Variants in CNTNAP5 observed in about 807,000 individuals in gnomAD.
The protein encoded by CNTNAP5 is contactin-associated protein-like 5.
CNTNAP5 carries 72 observed loss-of-function variants against 150.2 expected under a neutral mutation model. The observed-to-expected ratio is 0.48, with a 90% CI of 0.40 to 0.58. The LOEUF is 0.58. Among genes scored for constraint, CNTNAP5 ranks in the 20% least tolerant of loss-of-function variants. The pLI, the probability that CNTNAP5 is intolerant of heterozygous loss-of-function variation, is 0.00. For missense variants in CNTNAP5, 1,636 were observed against 1,626.2 expected, an observed-to-expected ratio of 1.01 and a Z score of -0.10; for synonymous variants, 672 against 619.8, an observed-to-expected ratio of 1.08 and a Z score of -1.25.
intron 1 of CNTNAP5, among the ~76,000 whole-genome samples, chr2:124,216,031 T>C (rs954780285): frequency 3.3e-5 from 5 of 152,156 alleles, no homozygotes; most frequent in African/African-American, 1.2e-4. Flanking sequence ...CAAACCCTTA[T>C]ATATAAAGTG....
At chr2:124,910,383 G>T (rs1678631069) in intron 22 of CNTNAP5, among the ~76,000 whole-genome samples, 1 of 152,036 alleles carries the variant, frequency 6.6e-6, no homozygotes, top group Non-Finnish European at 1.5e-5. Context: ...ATCAGCCACT[G>T]TTGTAAAAAC....
intron 3 of CNTNAP5, among the ~76,000 whole-genome samples, chr2:124,260,763 C>T (rs1052128923): frequency 2.0e-5 from 3 of 152,164 alleles, no homozygotes; most frequent in Non-Finnish European, 4.4e-5. Flanking sequence ...AACATTCATT[C>T]ATTCACAGAG....
At chr2:124,042,210 G>A (rs7599699) in intron 1 of CNTNAP5, among the ~76,000 whole-genome samples, 102,060 of 152,036 alleles carry the variant, frequency 0.67, 34,332 homozygotes, top group Admixed American at 0.73. Context: ...GACTTATAGA[G>A]AGATATATAA....
chr2:124,425,065 T>C (rs563878695), intron 4 of CNTNAP5, among the ~76,000 whole-genome samples: 13 of 152,224 alleles, frequency 8.5e-5, no homozygotes, highest in Non-Finnish European at 1.8e-4. Context: ...TATGCAACAG[T>C]ACGTTTCCAC....
intron 3 of CNTNAP5, among the ~76,000 whole-genome samples, chr2:124,272,374 C>T (rs1687780900): frequency 6.6e-6 from 1 of 152,100 alleles, no homozygotes; most frequent in Non-Finnish European, 1.5e-5. Context: ...GATTGAAATG[C>T]TCTTTAATAG....
chr2:124,499,422 A>C (rs1241127674), intron 7 of CNTNAP5, among the ~76,000 whole-genome samples: 1 of 152,248 alleles, frequency 6.6e-6, no homozygotes, highest in Non-Finnish European at 1.5e-5. Context: ...GCAAGCCCAG[A>C]AGGCTTGCTG....
chr2:124,770,240 G>GT (rs1442312321), intron 16 of CNTNAP5, among the ~76,000 whole-genome samples: 5 of 152,132 alleles, frequency 3.3e-5, no homozygotes, highest in African/African-American at 7.2e-5. Flanking sequence ...TAGGTGCTGG[G>GT]TATACGATAA....
intron 5 of CNTNAP5, among the ~76,000 whole-genome samples, chr2:124,437,007 T>A (rs1170230708): frequency 6.6e-6 from 1 of 152,130 alleles, no homozygotes; most frequent in Non-Finnish European, 1.5e-5. Flanking sequence ...CTTTAGTCCC[T>A]CCTACCTCAT....
chr2:124,325,613 C>T (rs1376479869), intron 3 of CNTNAP5, among the ~76,000 whole-genome samples: 1 of 152,100 alleles, frequency 6.6e-6, no homozygotes, highest in Non-Finnish European at 1.5e-5. Context: ...CTGTGAGCTC[C>T]AACTCTGGAA....
intron 3 of CNTNAP5, among the ~76,000 whole-genome samples, chr2:124,270,553 G>A (rs954112167): frequency 2.2e-4 from 33 of 152,136 alleles, no homozygotes; most frequent in Non-Finnish European, 1.0e-4. Context: ...CCAGGGTCAC[G>A]TCTGTTTGAC....
rs549150895 is a variant in CNTNAP5 at position 124,838,429 on chromosome 2, G to C, written c.3218-26877G>C. Among the ~76,000 whole-genome samples the C allele has an allele frequency of 2.0e-5, 3 of 152,168 alleles. No individual in the cohort carries two copies. The South Asian group carries it at 6.2e-4, about 32-fold the overall frequency. ...GCACACAGGCTTAAGATTTGAACTG[G>C]GCCACTATGTCATGGAGCTCTACCA... On this transcript the variant is annotated intron_variant, in intron 19 of 23. Coordinates refer to ENST00000682447, the MANE Select transcript of CNTNAP5 (RefSeq NM_001367498.1).
intron 6 of CNTNAP5, among the ~76,000 whole-genome samples, chr2:124,470,512 T>C (rs990647735): frequency 1.3e-5 from 2 of 152,190 alleles, no homozygotes; most frequent in African/African-American, 4.8e-5. Flanking sequence ...TCCCATTTTG[T>C]AGGCTGTCTG....
At chr2:124,397,356 G>T (rs1236142472) in intron 3 of CNTNAP5, among the ~76,000 whole-genome samples, 1 of 152,138 alleles carries the variant, frequency 6.6e-6, no homozygotes, top group African/African-American at 2.4e-5. Context: ...CACTTTTCCT[G>T]GTGCGCAGGT....
At chr2:124,504,682 C>A in intron 8 of CNTNAP5, 126 bp downstream of exon 8, 2 of 778,722 alleles carry the variant, frequency 2.6e-6, no homozygotes, top group Non-Finnish European at 3.9e-6. Context: ...CACAAATGTA[C>A]TCCAAGTCTG....
At chr2:124,070,916 A>C (rs1333696907) in intron 1 of CNTNAP5, among the ~76,000 whole-genome samples, 1 of 152,052 alleles carries the variant, frequency 6.6e-6, no homozygotes, top group African/African-American at 2.4e-5. Context: ...CTCAGCACAC[A>C]GATTATTCTC....
In CNTNAP5 at chr2:124,919,385, A is replaced by G. The variant is rs1318536688; in HGVS notation, c.*5097A>G. Among the ~76,000 whole-genome samples, 1 of 152,162 alleles carries G rather than the reference A, an allele frequency of 6.6e-6. No individual in the cohort carries two copies. Among genetic ancestry groups the G allele is most frequent in the Non-Finnish European group, 1.5e-5 (1 of 68,014 alleles). ...TTTCTAGTGAAATATTGTACTTTGTAAGCTAGATGTCTGTCTTATGTAATG... is the reference window on the plus strand; with the variant it reads ...TTTCTAGTGAAATATTGTACTTTGTGAGCTAGATGTCTGTCTTATGTAATG... On this transcript the variant is annotated 3_prime_UTR_variant, in exon 24 of 24. Transcript: ENST00000682447.
At chr2:124,876,022 C>T (rs1310450931) in intron 21 of CNTNAP5, among the ~76,000 whole-genome samples, 1 of 152,122 alleles carries the variant, frequency 6.6e-6, no homozygotes, top group Non-Finnish European at 1.5e-5. Context: ...GTCTGTTTCT[C>T]ACTCCACATT....
At chr2:124,785,041 G>GA (rs67254743) in intron 17 of CNTNAP5, among the ~76,000 whole-genome samples, 81,093 of 122,896 alleles carry the variant, frequency 0.66, 27,863 homozygotes, top group East Asian at 0.87. Context: ...TTAAGGCTGA[G>GA]AAAAAAAAAA....
intron 14 of CNTNAP5, among the ~76,000 whole-genome samples, chr2:124,752,533 T>C (rs1178973329): frequency 6.6e-6 from 1 of 152,106 alleles, no homozygotes; most frequent in Non-Finnish European, 1.5e-5. Context: ...ATTTCCTTCT[T>C]AGAGTAAGAG....
Sources: allele counts gnomAD v4.1 joint callset (sites outside exome capture counted in the v4.1 genomes callset), GRCh38; gene constraint gnomAD v4.1.1; transcripts MANE v1.5; gene names NCBI Gene and HGNC (gene_info 2026-07-23, HGNC 2026-07-21).